The following ST6GALNAC3 variants were observed in gnomAD, a reference collection of about 807,000 sequenced individuals.
ST6GALNAC3 encodes the protein ST6 N-acetylgalactosaminide alpha-2,6-sialyltransferase 3.
Under a neutral mutation model 32.7 loss-of-function variants are expected in ST6GALNAC3, and 25 were observed. The observed-to-expected ratio is 0.76, with a 90% CI of 0.56 to 1.07. ST6GALNAC3 has a LOEUF of 1.07. Among genes scored for constraint, ST6GALNAC3 ranks in the 50% least tolerant of loss-of-function variants. The pLI is 0.00. For missense variants in ST6GALNAC3, 355 were observed against 382.4 expected (o/e 0.93, Z 0.60); for synonymous variants, 129 against 133.1 (o/e 0.97, Z 0.21).
chr1:76,235,283 A>T (rs780155751), intron 1 of ST6GALNAC3, among the ~76,000 whole-genome samples: 13 of 152,174 alleles, frequency 8.5e-5, no homozygotes, highest in Non-Finnish European at 1.8e-4. Flanking sequence ...AGACAGGAGG[A>T]TCGCTTGAGC....
intron 3 of ST6GALNAC3, among the ~76,000 whole-genome samples, chr1:76,566,281 A>G (rs1208035675): frequency 2.6e-5 from 4 of 152,218 alleles, no homozygotes; most frequent in Non-Finnish European, 5.9e-5. Context: ...AAAGATCCCA[A>G]TAATAGATGG....
chr1:76,519,870 TAA>T (rs111500367), intron 3 of ST6GALNAC3, among the ~76,000 whole-genome samples: 5,627 of 151,802 alleles, frequency 0.037, 226 homozygotes, highest in African/African-American at 0.1. Flanking sequence ...ATGAAAATTT[TAA>T]AAAGTGTATA....
chr1:76,142,847 T>G (rs597362), intron 1 of ST6GALNAC3: 74,580 of 453,696 alleles, frequency 0.16, 6,822 homozygotes, highest in Middle Eastern at 0.28. Flanking sequence ...TTTAAATTTT[T>G]CATCTGCTTC....
intron 3 of ST6GALNAC3, among the ~76,000 whole-genome samples, chr1:76,439,359 A>C (rs1245049634): frequency 6.6e-6 from 1 of 152,196 alleles, no homozygotes; most frequent in South Asian, 2.1e-4. Flanking sequence ...CCTAATACGT[A>C]TGGCTTAAAA....
intron 1 of ST6GALNAC3, among the ~76,000 whole-genome samples, chr1:76,194,833 T>G (rs562934633): frequency 3.3e-5 from 5 of 152,210 alleles, no homozygotes; most frequent in Non-Finnish European, 7.3e-5. Context: ...CGATGTGAAA[T>G]CTGAAACGGA....
At chr1:76,346,329 C>T (rs1648510843) in intron 2 of ST6GALNAC3, among the ~76,000 whole-genome samples, 1 of 152,104 alleles carries the variant, frequency 6.6e-6, no homozygotes, top group Admixed American at 6.5e-5. Flanking sequence ...GAGCTGTGTC[C>T]ATGTCCAAGG....
At chr1:76,181,394 C>T (rs2100462047) in intron 1 of ST6GALNAC3, among the ~76,000 whole-genome samples, 1 of 152,190 alleles carries the variant, frequency 6.6e-6, no homozygotes, top group Middle Eastern at 3.4e-3. Context: ...CTAATGGCTC[C>T]CAGATTTCTG....
At chr1:76,107,553 A>G (rs138724345) in intron 1 of ST6GALNAC3, among the ~76,000 whole-genome samples, 222 of 152,318 alleles carry the variant, frequency 1.5e-3, no homozygotes, top group East Asian at 6.2e-3. Flanking sequence ...ATGTGGTATT[A>G]TCTTTGTCTT....
chr1:76,441,892 G>A (rs899005365), intron 3 of ST6GALNAC3, among the ~76,000 whole-genome samples: 7 of 152,126 alleles, frequency 4.6e-5, no homozygotes, highest in African/African-American at 1.7e-4. Context: ...AAAAGGATAA[G>A]CTTCTTTGAT....
rs770629571 is a variant in ST6GALNAC3 at position 76,634,024 on chromosome 1, A to C, written c.*5218A>C. ...CTTGGGCGTTGTAACAGTGCAGAAAATCTCATTTAGTTTTTTTCTTTTTTT... is the reference window on the plus strand; with the variant it reads ...CTTGGGCGTTGTAACAGTGCAGAAACTCTCATTTAGTTTTTTTCTTTTTTT... On this transcript the variant is annotated 3_prime_UTR_variant, in exon 5 of 5. Transcript: ENST00000328299. 2 of 336,396 alleles carry C rather than the reference A, an allele frequency of 5.9e-6. No homozygotes were observed. The highest frequency in any genetic ancestry group is 8.4e-6 in the Non-Finnish European group (2 of 237,774). The allele number at this position is 336,396 out of a possible 1,614,324, so 20.8% of individuals were successfully genotyped here. A position where few individuals can be genotyped will look rare whatever the true frequency, so the allele number is the denominator to read the frequency against.
intron 3 of ST6GALNAC3, among the ~76,000 whole-genome samples, chr1:76,624,650 T>C (rs538274268): frequency 6.6e-6 from 1 of 152,002 alleles, no homozygotes; most frequent in South Asian, 2.1e-4. Context: ...TGATTTTTTT[T>C]TCTCACTCAA....
intron 2 of ST6GALNAC3, among the ~76,000 whole-genome samples, chr1:76,357,700 G>T (rs970130949): frequency 1.3e-5 from 2 of 152,174 alleles, no homozygotes; most frequent in African/African-American, 4.8e-5. Flanking sequence ...TTTGAGGGTA[G>T]CCATCTGGTC....
intron 3 of ST6GALNAC3, among the ~76,000 whole-genome samples, chr1:76,515,855 T>G (rs12130104): frequency 0.11 from 16,302 of 152,172 alleles, 977 homozygotes; most frequent in East Asian, 0.22. Flanking sequence ...TGTTCTATTT[T>G]CAGTTGAGAA....
intron 3 of ST6GALNAC3, among the ~76,000 whole-genome samples, chr1:76,614,994 G>C (rs891756547): frequency 1.3e-5 from 2 of 152,026 alleles, no homozygotes; most frequent in African/African-American, 2.4e-5. Flanking sequence ...TCTGGAAATA[G>C]TAGTAAGACT....
At chr1:76,266,054 C>T (rs941613905) in intron 1 of ST6GALNAC3, among the ~76,000 whole-genome samples, 3 of 152,114 alleles carry the variant, frequency 2.0e-5, no homozygotes, top group African/African-American at 4.8e-5. Flanking sequence ...AAATTTCCTA[C>T]GTTTTTCAGA....
rs1654274442 is a variant in ST6GALNAC3 at position 76,412,035 on chromosome 1, G to T, written c.241G>T (p.Ala81Ser). The change falls in exon 3 of 5, where the codon GCC (alanine) becomes TCC (serine). Residue 81 changes from alanine to serine, a missense_variant. Transcript: ENST00000328299. Reference protein sequence around the residue: ...EPLQLDCDLCAIVSNSGQMVG... With the variant: ...EPLQLDCDLCSIVSNSGQMVG... Reference sequence around the variant, plus strand: ...TTTGCAACTGGACTGTGACCTTTGTGCCATAGTGTCAAACTCAGGTCAGAT... The same window carrying T: ...TTTGCAACTGGACTGTGACCTTTGTTCCATAGTGTCAAACTCAGGTCAGAT... 3 of 1,613,214 alleles carry T rather than the reference G, an allele frequency of 1.9e-6. No individual in the cohort carries two copies. Among genetic ancestry groups the T allele is most frequent in the Non-Finnish European group, 2.5e-6 (3 of 1,179,632 alleles).
intron 3 of ST6GALNAC3, among the ~76,000 whole-genome samples, chr1:76,418,024 C>T (rs1654762772): frequency 6.6e-6 from 1 of 152,124 alleles, no homozygotes; most frequent in Non-Finnish European, 1.5e-5. Context: ...CTCTACCTGG[C>T]TCATCTTTGC....
intron 3 of ST6GALNAC3, among the ~76,000 whole-genome samples, chr1:76,518,929 T>A (rs995736466): frequency 6.6e-6 from 1 of 152,134 alleles, no homozygotes; most frequent in South Asian, 2.1e-4. Context: ...TAGCCAAGCA[T>A]TGTGATGCAC....
intron 1 of ST6GALNAC3, among the ~76,000 whole-genome samples, chr1:76,228,033 ACACCAATCAG>A (rs1235539771): frequency 6.6e-6 from 1 of 152,236 alleles, no homozygotes; most frequent in Non-Finnish European, 1.5e-5. Context: ...CTGGAGGTAA[ACACCAATCAG>A]CTACAGTTGG....
Sources: gnomAD v4.1 joint callset for allele counts (sites outside exome capture counted in the v4.1 genomes callset) on GRCh38, gnomAD v4.1.1 for gene constraint, MANE v1.5 for transcripts, NCBI Gene and HGNC (gene_info 2026-07-23, HGNC 2026-07-21) for gene names.